The following TSHZ2 variants were observed in gnomAD, a reference collection of about 807,000 sequenced individuals.
The protein encoded by TSHZ2 is teashirt homolog 2.
A neutral mutation model predicts 74.4 loss-of-function variants in TSHZ2; 21 were observed. The observed-to-expected ratio is 0.28, with a 90% CI of 0.20 to 0.41. The LOEUF (loss-of-function observed/expected upper bound fraction) is 0.41, where lower values mean the gene tolerates loss of function less well. TSHZ2 is among the 10% of genes least tolerant of loss of function. TSHZ2 has a pLI of 1.00. For synonymous variants in TSHZ2, 540 were observed against 515.3 expected (o/e 1.05, Z -0.65); for missense variants, 1,244 against 1,293.5 (o/e 0.96, Z 0.59).
chr20:53,023,376 C>T (rs1009508190), intron 1 of TSHZ2, among the ~76,000 whole-genome samples: 1 of 152,148 alleles, frequency 6.6e-6, no homozygotes, highest in African/African-American at 2.4e-5. Flanking sequence ...AAATGTTCTT[C>T]CTCTGAATTG....
At chr20:53,065,368 G>A (rs1383887363) in intron 1 of TSHZ2, among the ~76,000 whole-genome samples, 1 of 152,142 alleles carries the variant, frequency 6.6e-6, no homozygotes, top group Non-Finnish European at 1.5e-5. Flanking sequence ...AAGGGAGCAT[G>A]ATATCTTTTC....
chr20:53,023,414 A>G (rs567425238), intron 1 of TSHZ2, among the ~76,000 whole-genome samples: 31 of 152,314 alleles, frequency 2.0e-4, no homozygotes, highest in Admixed American at 1.9e-3. Flanking sequence ...ACATTAACCT[A>G]AATGTTCAGA....
At chr20:53,246,032 C>CTTTTTTTTT (rs1301181982) in intron 1 of TSHZ2, among the ~76,000 whole-genome samples, 7 of 123,278 alleles carry the variant, frequency 5.7e-5, no homozygotes, top group African/African-American at 2.4e-4. Flanking sequence ...TTCTTTCTTT[C>CTTTTTTTTT]TTTCTTTCTT....
intron 2 of TSHZ2, among the ~76,000 whole-genome samples, chr20:53,478,296 A>G (rs987144010): frequency 6.6e-6 from 1 of 151,518 alleles, no homozygotes; most frequent in Non-Finnish European, 1.5e-5. Flanking sequence ...GATTAAGAAA[A>G]TGTGGCACAT....
intron 2 of TSHZ2, among the ~76,000 whole-genome samples, chr20:53,469,794 A>G (rs865780528): frequency 4.5e-5 from 6 of 133,832 alleles, no homozygotes; most frequent in African/African-American, 1.1e-4. Context: ...GGGAGGAAGG[A>G]AGGAAGGAAG....
At chr20:53,371,810 G>A (rs1480971921) in intron 2 of TSHZ2, among the ~76,000 whole-genome samples, 1 of 151,242 alleles carries the variant, frequency 6.6e-6, no homozygotes, top group East Asian at 1.9e-4. Flanking sequence ...CAGGAGGCGG[G>A]TGTTGCAGTG....
chr20:53,025,606 C>A (rs6013606), intron 1 of TSHZ2, among the ~76,000 whole-genome samples: 1 of 152,192 alleles, frequency 6.6e-6, no homozygotes, highest in Non-Finnish European at 1.5e-5. Context: ...CAGATGACAC[C>A]TTCACATCTA....
chr20:53,204,734 A>G (rs891824402), intron 1 of TSHZ2, among the ~76,000 whole-genome samples: 3 of 152,152 alleles, frequency 2.0e-5, no homozygotes, highest in Non-Finnish European at 4.4e-5. Context: ...CTTTGAAGCT[A>G]TAATCTTACT....
At chr20:53,361,268 CA>C (rs1981041229) in intron 2 of TSHZ2, among the ~76,000 whole-genome samples, 1 of 152,230 alleles carries the variant, frequency 6.6e-6, no homozygotes, top group South Asian at 2.1e-4. Context: ...GAAAGAATGA[CA>C]CTTTTGCAGG....
rs1159995324 is a variant in TSHZ2 at position 53,073,280 on chromosome 20, TCATCCATCCATCCCTTCATC to T, written c.40+99961_40+99980del. Among the ~76,000 whole-genome samples, 6 of 112,064 alleles carry T rather than the reference TCATCCATCCATCCCTTCATC, an allele frequency of 5.4e-5. No individual in the cohort carries two copies. In the East Asian group the frequency reaches 1.3e-3, roughly 25 times the overall value. 73.5% of individuals were successfully genotyped at this position (112,064 alleles called of 152,430 possible). A position where few individuals can be genotyped will look rare whatever the true frequency, so the allele number is the denominator to read the frequency against. Reference sequence around the variant, plus strand: ...TCCTTCCATCCATCCATCCCTCCATTCATCCATCCATCCCTTCATCCATCCATCCATCCATCCATCCCTTA... The same window carrying T: ...TCCTTCCATCCATCCATCCCTCCATTCATCCATCCATCCATCCATCCCTTA... On this transcript the variant is annotated intron_variant, in intron 1 of 2. Transcript: ENST00000371497.
chr20:52,998,515 T>C (rs1982289918), intron 1 of TSHZ2, among the ~76,000 whole-genome samples: 1 of 152,174 alleles, frequency 6.6e-6, no homozygotes, highest in Non-Finnish European at 1.5e-5. Flanking sequence ...ACATGGTTCA[T>C]ATATTAGCCC....
chr20:53,166,875 A>G lies in TSHZ2; in HGVS notation c.41-86624A>G, dbSNP rs560955639. On this transcript the variant is annotated intron_variant, in intron 1 of 2. Transcript: ENST00000371497. Reference sequence around the variant, plus strand: ...TTTGAAAAAGACAATAAACAGGTACATAAATATCTGAATAGGATAATCTCA... The same window carrying G: ...TTTGAAAAAGACAATAAACAGGTACGTAAATATCTGAATAGGATAATCTCA... Among the ~76,000 whole-genome samples, 20 of 152,344 alleles carry G rather than the reference A, an allele frequency of 1.3e-4. 2 individuals carry two copies. The highest frequency in any genetic ancestry group is 4.6e-4 in the African/African-American group (19 of 41,586).
intron 1 of TSHZ2, among the ~76,000 whole-genome samples, chr20:53,033,676 T>TTTG (rs1271122291): frequency 5.2e-5 from 7 of 134,874 alleles, no homozygotes; most frequent in African/African-American, 1.5e-4. Flanking sequence ...TTTTTTTTTT[T>TTTG]GGAGACAGGG....
intron 1 of TSHZ2, among the ~76,000 whole-genome samples, chr20:53,085,366 AAAAG>A (rs1022617958): frequency 2.6e-5 from 4 of 151,986 alleles, no homozygotes; most frequent in African/African-American, 4.8e-5. Flanking sequence ...CTCCATCTCA[AAAAG>A]AAAGAGAGAG....
intron 2 of TSHZ2, among the ~76,000 whole-genome samples, chr20:53,421,001 A>G (rs1465532821): frequency 2.0e-5 from 3 of 152,232 alleles, no homozygotes; most frequent in African/African-American, 4.8e-5. Context: ...ATGGAAACCA[A>G]TCTGGGAAAC....
At chr20:53,471,413 G>A (rs1425644997) in intron 2 of TSHZ2, among the ~76,000 whole-genome samples, 1 of 152,144 alleles carries the variant, frequency 6.6e-6, no homozygotes, top group Non-Finnish European at 1.5e-5. Flanking sequence ...CCTTCCTGGA[G>A]TTTACACAGG....
At position 53,494,741 on chromosome 20, in the gene TSHZ2, G is replaced by A. The variant is rs1219613001; in HGVS notation, c.*7606G>A. 4 of 149,160 alleles carry A rather than the reference G, an allele frequency of 2.7e-5. No individual in the cohort carries two copies. The highest frequency in any genetic ancestry group is 3.9e-4 in the East Asian group (2 of 5,108). 9.2% of individuals were successfully genotyped at this position (149,160 alleles called of 1,614,324 possible). A position where few individuals can be genotyped will look rare whatever the true frequency, so the allele number is the denominator to read the frequency against. On this transcript the variant is annotated 3_prime_UTR_variant, in exon 3 of 3. Coordinates refer to ENST00000371497, the MANE Select transcript of TSHZ2 (RefSeq NM_173485.6). ...ATTGTGAAAAAAAAACAACACATTC[G>A]CCAAGGTTATATGGAGCCCCTGATT... is the stretch of plus-strand genomic sequence containing the variant.
chr20:53,351,652 T>A (rs1156310050), intron 2 of TSHZ2, among the ~76,000 whole-genome samples: 2 of 152,212 alleles, frequency 1.3e-5, no homozygotes, highest in Non-Finnish European at 2.9e-5. Flanking sequence ...GTACAGCTTG[T>A]GAAGGGATTT....
chr20:53,061,596 T>C (rs989380992), intron 1 of TSHZ2, among the ~76,000 whole-genome samples: 1 of 152,228 alleles, frequency 6.6e-6, no homozygotes, highest in African/African-American at 2.4e-5. Context: ...CAACTATTCA[T>C]GTTAATGTGT....
Sources: gnomAD v4.1 joint callset for allele counts (sites outside exome capture counted in the v4.1 genomes callset) on GRCh38, gnomAD v4.1.1 for gene constraint, MANE v1.5 for transcripts, NCBI Gene and HGNC (gene_info 2026-07-23, HGNC 2026-07-21) for gene names.